RAPGEF2: variants seen among roughly 807,000 people sequenced by gnomAD.
The protein encoded by RAPGEF2 is Rap guanine nucleotide exchange factor 2, also known as PDZ domain containing guanine nucleotide exchange factor (GEF) 1.
Under a neutral mutation model 186.7 loss-of-function variants are expected in RAPGEF2, and 54 were observed. The observed-to-expected ratio is 0.29, with a 90% CI of 0.23 to 0.36. The LOEUF (loss-of-function observed/expected upper bound fraction) is 0.36, where lower values mean the gene tolerates loss of function less well. RAPGEF2 is among the 10% of genes least tolerant of loss of function. RAPGEF2 has a pLI of 1.00. For synonymous variants in RAPGEF2, 712 were observed against 705.9 expected (o/e 1.01, Z -0.14); for missense variants, 1,532 against 2,045.0 (o/e 0.75, Z 4.84).
chr4:159,340,765 TACCACC>T (rs1257089210), intron 19 of RAPGEF2, among the ~76,000 whole-genome samples: 3 of 96,628 alleles, frequency 3.1e-5, no homozygotes, highest in East Asian at 2.9e-4. Context: ...AAACAAAAAA[TACCACC>T]ACCATCACCA....
chr4:159,171,545 T>A (rs1745905226), intron 1 of RAPGEF2, among the ~76,000 whole-genome samples: 1 of 152,070 alleles, frequency 6.6e-6, no homozygotes, highest in Non-Finnish European at 1.5e-5. Flanking sequence ...GGGAATTGCC[T>A]GGAAAGGTGC....
chr4:159,200,155 G>C (rs550609426), intron 3 of RAPGEF2, among the ~76,000 whole-genome samples: 1 of 152,012 alleles, frequency 6.6e-6, no homozygotes, highest in South Asian at 2.1e-4. Flanking sequence ...TTCCTTTCAT[G>C]TTAAAAATGA....
rs144166288 is a variant in RAPGEF2, at chr4:159,298,010, G to C, written c.544-6332G>C. ...ATGAGGCTTCTGTCTTCTGAGCCTGGTAAGAAGCTGGAAGAATGTTAAGTA... is the reference window on the plus strand; with the variant it reads ...ATGAGGCTTCTGTCTTCTGAGCCTGCTAAGAAGCTGGAAGAATGTTAAGTA... On this transcript the variant is annotated intron_variant, in intron 7 of 29. Coordinates refer to ENST00000691494, the MANE Select transcript of RAPGEF2 (RefSeq NM_001394067.2). Among the ~76,000 whole-genome samples, 719 of 152,260 alleles carry C rather than the reference G, an allele frequency of 4.7e-3. 6 individuals are homozygous for C. The highest frequency in any genetic ancestry group is 0.016 in the African/African-American group (678 of 41,560).
At chr4:159,197,711 G>C (rs1748801381) in intron 3 of RAPGEF2, among the ~76,000 whole-genome samples, 1 of 152,218 alleles carries the variant, frequency 6.6e-6, no homozygotes, top group African/African-American at 2.4e-5. Context: ...TGCAGTTGCT[G>C]ACTTGGCTTT....
At chr4:159,160,545 A>C (rs374960750) in intron 1 of RAPGEF2, among the ~76,000 whole-genome samples, 1 of 152,262 alleles carries the variant, frequency 6.6e-6, no homozygotes, top group African/African-American at 2.4e-5. Context: ...TTCAATAGCA[A>C]ACTTCAGTAG....
At chr4:159,132,627 T>C (rs902587794) in intron 1 of RAPGEF2, among the ~76,000 whole-genome samples, 11 of 152,198 alleles carry the variant, frequency 7.2e-5, no homozygotes, top group African/African-American at 2.7e-4. Context: ...TTTTCTAAAT[T>C]ATAGCTTTTT....
intron 1 of RAPGEF2, among the ~76,000 whole-genome samples, chr4:159,112,628 A>G (rs1295949185): frequency 6.6e-6 from 1 of 152,126 alleles, no homozygotes; most frequent in Admixed American, 6.5e-5. Flanking sequence ...AAAGCAGGAG[A>G]AGAGACACCT....
chr4:159,167,510 C>T (rs1020717079), intron 1 of RAPGEF2, among the ~76,000 whole-genome samples: 6 of 152,174 alleles, frequency 3.9e-5, no homozygotes, highest in South Asian at 4.1e-4. Flanking sequence ...CATGTTGGGC[C>T]GGGAAAGACC....
chr4:159,251,724 A>G (rs1164021319), intron 7 of RAPGEF2, among the ~76,000 whole-genome samples: 1 of 152,104 alleles, frequency 6.6e-6, no homozygotes, highest in Non-Finnish European at 1.5e-5. Flanking sequence ...AAATGCACCA[A>G]TCAGCACCCT....
intron 1 of RAPGEF2, among the ~76,000 whole-genome samples, chr4:159,142,401 A>T (rs1052234316): frequency 6.6e-6 from 1 of 152,176 alleles, no homozygotes; most frequent in African/African-American, 2.4e-5. Flanking sequence ...GTACATTGGC[A>T]AGTGGATGGG....
intron 1 of RAPGEF2, among the ~76,000 whole-genome samples, chr4:159,123,982 G>A (rs1056288161): frequency 6.6e-6 from 1 of 151,734 alleles, no homozygotes; most frequent in Admixed American, 6.6e-5. Flanking sequence ...CAGCCTCCCA[G>A]GTTGCTGGAA....
At chr4:159,169,588 C>T (rs1053347343) in intron 1 of RAPGEF2, among the ~76,000 whole-genome samples, 1 of 152,054 alleles carries the variant, frequency 6.6e-6, no homozygotes, top group Non-Finnish European at 1.5e-5. Flanking sequence ...CAACAGCCCC[C>T]CCTCCCCAGC....
Position 159,315,269 on chromosome 4 carries a change from T to C in RAPGEF2, c.853+501T>C, listed in dbSNP as rs74430773. 1.1e-4 allele frequency among the ~76,000 whole-genome samples: 17 copies of C among 152,264 alleles called. No individual in the cohort carries two copies. In the East Asian group the frequency reaches 3.3e-3, roughly 29 times the overall value. ...TAGGCTGTGTGATGGTTGAGACTTT[T>C]TTTCTGTCTTTCTTTTGCTGTTTTT... On this transcript the variant is annotated intron_variant, in intron 9 of 29. Coordinates refer to ENST00000691494, the MANE Select transcript of RAPGEF2 (RefSeq NM_001394067.2).
chr4:159,153,367 T>TA (rs34024835), intron 1 of RAPGEF2, among the ~76,000 whole-genome samples: 1 of 152,144 alleles, frequency 6.6e-6, no homozygotes, highest in East Asian at 1.9e-4. Flanking sequence ...ACCAGACTTT[T>TA]AAAAAAGCTT....
At chr4:159,220,959 T>G (rs1751478933) in intron 4 of RAPGEF2, among the ~76,000 whole-genome samples, 1 of 152,076 alleles carries the variant, frequency 6.6e-6, no homozygotes, top group African/African-American at 2.4e-5. Context: ...TAATGTCAGG[T>G]TGATATAGAG....
rs1026445955 is a variant in RAPGEF2, at chr4:159,356,138, G to C, written c.4937G>C (p.Gly1646Ala). The C allele has an allele frequency of 6.2e-7, 1 of 1,613,828 alleles. No homozygotes were observed. Among genetic ancestry groups the C allele is most frequent in the Non-Finnish European group, 8.5e-7 (1 of 1,179,822 alleles). Reference protein sequence around the residue: ...DPRLAPYQSQGFSTEEDEDEQ... With the variant: ...DPRLAPYQSQAFSTEEDEDEQ... ...CGCCTCGCCCCCTATCAGTCCCAAGGGTTTTCCACCGAGGAGGATGGTATA... is the reference window on the plus strand; with the variant it reads ...CGCCTCGCCCCCTATCAGTCCCAAGCGTTTTCCACCGAGGAGGATGGTATA... The change falls in exon 29 of 30, where the codon GGG (glycine) becomes GCG (alanine). Residue 1646 changes from glycine (G) to alanine (A), a missense_variant. Physicochemically the swap from Gly to Ala is moderately conservative, Grantham distance 60. Around this residue, in one of 4 missense-constraint regions of RAPGEF2, gnomAD observed 594 missense variants for 608.5 expected, o/e 0.98. Coordinates refer to ENST00000691494, the MANE Select transcript of RAPGEF2 (RefSeq NM_001394067.2).
chr4:159,284,481 GACACACACACACACACACACACACAC>G (rs36232973), intron 7 of RAPGEF2, among the ~76,000 whole-genome samples: 2,294 of 140,448 alleles, frequency 0.016, 69 homozygotes, highest in African/African-American at 0.057. Flanking sequence ...CCGCCATGGA[GACACACACACACACACACACACACAC>G]ACACACACAC....
chr4:159,166,697 G>A (rs937327662), intron 1 of RAPGEF2, among the ~76,000 whole-genome samples: 1 of 152,066 alleles, frequency 6.6e-6, no homozygotes, highest in Non-Finnish European at 1.5e-5. Flanking sequence ...TGTCTATATT[G>A]TCTTGTTTAC....
chr4:159,263,991 A>G (rs10031362), intron 7 of RAPGEF2, among the ~76,000 whole-genome samples: 2,012 of 152,280 alleles, frequency 0.013, 48 homozygotes, highest in African/African-American at 0.046. Context: ...TTTTCTTAAC[A>G]AGATCTAGTT....
Sources: allele counts gnomAD v4.1 joint callset (sites outside exome capture counted in the v4.1 genomes callset), GRCh38; gene constraint gnomAD v4.1.1; regional missense constraint gnomAD v4.1.1; transcripts MANE v1.5; gene names NCBI Gene and HGNC (gene_info 2026-07-23, HGNC 2026-07-21).